CNBD1: variants seen among roughly 807,000 people sequenced by gnomAD.
The protein encoded by CNBD1 is cyclic nucleotide binding domain containing 1.
A neutral mutation model predicts 54.4 loss-of-function variants in CNBD1; 71 were observed. The ratio of observed to expected loss-of-function variants is 1.30; its 90% confidence interval spans 1.08 to 1.59. CNBD1 has a LOEUF of 1.59. Among genes scored for constraint, CNBD1 ranks in the 40% most tolerant of loss-of-function variants. The pLI is 0.00. For missense variants in CNBD1, 659 were observed against 518.0 expected (o/e 1.27, Z -2.64); for synonymous variants, 182 against 170.7 (o/e 1.07, Z -0.51).
Position 87,233,333 on chromosome 8 carries a change from G to T in CNBD1, c.578-3586G>T, listed in dbSNP as rs563229197. On this transcript the variant is annotated intron_variant, in intron 5 of 10. Coordinates refer to ENST00000518476, the MANE Select transcript of CNBD1 (RefSeq NM_173538.3). ...ACTCCTCAGAGAAATTTCAGGTTTA[G>T]TTTCAGAGCACTGCAACAAAATGAA... Among the ~76,000 whole-genome samples, 804 of 152,186 alleles carry T rather than the reference G, an allele frequency of 5.3e-3. 7 individuals carry two copies. Among genetic ancestry groups the T allele is most frequent in the African/African-American group, 0.018 (768 of 41,542 alleles).
chr8:87,013,308 T>C (rs1408541776), intron 4 of CNBD1, among the ~76,000 whole-genome samples: 1 of 152,198 alleles, frequency 6.6e-6, no homozygotes, highest in Non-Finnish European at 1.5e-5. Context: ...GTCTTCTCAA[T>C]TGCTTTTCTC....
At chr8:87,063,155 C>G (rs1810579991) in intron 4 of CNBD1, among the ~76,000 whole-genome samples, 1 of 152,148 alleles carries the variant, frequency 6.6e-6, no homozygotes, top group Non-Finnish European at 1.5e-5. Flanking sequence ...GGTACTCAAG[C>G]AACCCTATCA....
chr8:87,384,644 A>G (rs1811148245), downstream of CNBD1, among the ~76,000 whole-genome samples: 1 of 152,214 alleles, frequency 6.6e-6, no homozygotes, highest in African/African-American at 2.4e-5. Flanking sequence ...TGTCAGACAC[A>G]TGGTAGGTAT....
At position 87,144,682 on chromosome 8, in the gene CNBD1, A is replaced by C. The variant is rs950516503; in HGVS notation, c.432-61311A>C. Among the ~76,000 whole-genome samples, 3 of 152,052 alleles carry C rather than the reference A, an allele frequency of 2.0e-5. No homozygotes were observed. In the East Asian group the frequency reaches 5.8e-4, roughly 29 times the overall value. On this transcript the variant is annotated intron_variant, in intron 4 of 10. Transcript: ENST00000518476. ...ACTAAAAATACAAAATTAGACAGGCATGATGGCATGCACCTGTAATCCCAG... is the reference window on the plus strand; with the variant it reads ...ACTAAAAATACAAAATTAGACAGGCCTGATGGCATGCACCTGTAATCCCAG...
intron 4 of CNBD1, among the ~76,000 whole-genome samples, chr8:87,052,705 A>G (rs1245472790): frequency 6.6e-6 from 1 of 152,032 alleles, no homozygotes; most frequent in Non-Finnish European, 1.5e-5. Context: ...GTTTATCCCA[A>G]CTTTTCTGCT....
At chr8:86,875,329 C>T (rs144940573) in intron 1 of CNBD1, among the ~76,000 whole-genome samples, 1 of 152,158 alleles carries the variant, frequency 6.6e-6, no homozygotes, top group East Asian at 1.9e-4. Context: ...CCCTCCACAC[C>T]CTGGTCTTGG....
chr8:87,421,988 C>T (rs1365510903), intron 2 of CNBD1, among the ~76,000 whole-genome samples: 1 of 149,906 alleles, frequency 6.7e-6, no homozygotes, highest in Non-Finnish European at 1.5e-5. Flanking sequence ...GAGATGGTAT[C>T]TCATTGTGGT....
intron 3 of CNBD1, among the ~76,000 whole-genome samples, chr8:86,926,006 C>G (rs369123439): frequency 2.0e-5 from 3 of 152,106 alleles, no homozygotes; most frequent in African/African-American, 2.4e-5. Flanking sequence ...AGCTTTTATT[C>G]CCTTATTGTC....
chr8:87,195,506 G>T (rs1185427122), intron 4 of CNBD1, among the ~76,000 whole-genome samples: 2 of 151,040 alleles, frequency 1.3e-5, no homozygotes, highest in Non-Finnish European at 2.9e-5. Context: ...GGGATTACAG[G>T]CGTAAGTCAC....
chr8:87,303,578 C>A (rs921974483), intron 8 of CNBD1, among the ~76,000 whole-genome samples: 1 of 152,094 alleles, frequency 6.6e-6, no homozygotes, highest in Non-Finnish European at 1.5e-5. Context: ...TAGGCATGGG[C>A]AAGGTCTTCA....
chr8:86,908,152 G>A (rs1809046139), intron 3 of CNBD1, among the ~76,000 whole-genome samples: 1 of 152,204 alleles, frequency 6.6e-6, no homozygotes, highest in South Asian at 2.1e-4. Context: ...TCCATGTGGA[G>A]CAAGGCACAC....
At chr8:87,277,728 G>C (rs1047969276) in intron 6 of CNBD1, among the ~76,000 whole-genome samples, 3 of 151,544 alleles carry the variant, frequency 2.0e-5, no homozygotes, top group Non-Finnish European at 4.4e-5. Context: ...CATTTAGTCT[G>C]CTCCTATACT....
At chr8:87,321,324 G>A (rs530604719) in intron 8 of CNBD1, among the ~76,000 whole-genome samples, 6 of 152,042 alleles carry the variant, frequency 3.9e-5, no homozygotes, top group Non-Finnish European at 5.9e-5. Context: ...ATTTCAACAT[G>A]TCCTTACCAA....
At chr8:87,180,129 A>T (rs1001499141) in intron 4 of CNBD1, among the ~76,000 whole-genome samples, 1 of 152,178 alleles carries the variant, frequency 6.6e-6, no homozygotes, top group Non-Finnish European at 1.5e-5. Flanking sequence ...CAAGATACAC[A>T]TGAGACTGCC....
intron 4 of CNBD1, among the ~76,000 whole-genome samples, chr8:87,112,753 A>AC (rs11392106): frequency 0.6 from 90,706 of 151,384 alleles, 28,380 homozygotes; most frequent in African/African-American, 0.78. Context: ...ATCAGATGAC[A>AC]CTTTGTCCAG....
At chr8:87,286,847 G>A (rs1292535857) in intron 8 of CNBD1, among the ~76,000 whole-genome samples, 176 bp downstream of exon 8, 1 of 151,918 alleles carries the variant, frequency 6.6e-6, no homozygotes, top group Non-Finnish European at 1.5e-5. Flanking sequence ...TATTAAAAAT[G>A]ATACTGTACT....
chr8:87,241,623 A>C (rs1807710844), intron 6 of CNBD1, among the ~76,000 whole-genome samples: 1 of 152,186 alleles, frequency 6.6e-6, no homozygotes, highest in South Asian at 2.1e-4. Context: ...AGGGTGTCAC[A>C]TACTAACGCA....
chr8:86,925,016 C>T (rs1222769365), intron 3 of CNBD1, among the ~76,000 whole-genome samples: 1 of 152,100 alleles, frequency 6.6e-6, no homozygotes, highest in Non-Finnish European at 1.5e-5. Flanking sequence ...TTAGTAGAAA[C>T]CGGGGAAATA....
At chr8:87,265,114 T>G (rs1047676236) in intron 6 of CNBD1, among the ~76,000 whole-genome samples, 1 of 152,142 alleles carries the variant, frequency 6.6e-6, no homozygotes, top group Non-Finnish European at 1.5e-5. Context: ...GGTTTTCTTC[T>G]AGGGTTTTTA....
Sources: gnomAD v4.1 joint callset for allele counts (sites outside exome capture counted in the v4.1 genomes callset) on GRCh38, gnomAD v4.1.1 for gene constraint, MANE v1.5 for transcripts, NCBI Gene and HGNC (gene_info 2026-07-23, HGNC 2026-07-21) for gene names.